CHD7: variants seen among roughly 807,000 people sequenced by gnomAD.
The protein encoded by CHD7 is ATP-dependent chromatin remodeler CHD7.
CHD7 carries 24 observed loss-of-function variants against 307.3 expected under a neutral mutation model. The ratio of observed to expected loss-of-function variants is 0.08; its 90% CI spans 0.06 to 0.11. CHD7 has a LOEUF of 0.11. Among genes scored for constraint, CHD7 ranks in the 10% least tolerant of loss-of-function variants. The pLI, the probability that CHD7 is intolerant of heterozygous loss-of-function variation, is 1.00. For missense variants in CHD7, 3,106 were observed against 3,727.1 expected (o/e 0.83, Z 4.34); for synonymous variants, 1,363 against 1,349.9 (o/e 1.01, Z -0.21).
intron 1 of CHD7, among the ~76,000 whole-genome samples, chr8:60,735,473 C>G (rs1464047087): frequency 6.6e-6 from 1 of 152,074 alleles, no homozygotes; most frequent in Admixed American, 6.5e-5. Context: ...CTTAGAAGGA[C>G]TTCACATACT....
At chr8:60,756,267 T>C (rs552757434) in intron 2 of CHD7, among the ~76,000 whole-genome samples, 1 of 152,316 alleles carries the variant, frequency 6.6e-6, no homozygotes, top group African/African-American at 2.4e-5. Context: ...TCTTAATAGG[T>C]GGCCCTGAAA....
At chr8:60,815,629 G>A (rs777514444) in intron 7 of CHD7, among the ~76,000 whole-genome samples, 1 of 152,206 alleles carries the variant, frequency 6.6e-6, no homozygotes, top group Non-Finnish European at 1.5e-5. Flanking sequence ...AGGGGATGGG[G>A]AGTCTTGAGG....
Position 60,742,480 on chromosome 8 carries a change from G to A in CHD7, c.1048G>A (p.Ala350Thr). Reference sequence around the variant, plus strand: ...TCAGTCCGTACCAAGATACCCCAATGCTGTAGGATTCCCATCAAACAGTGG... The same window carrying A: ...TCAGTCCGTACCAAGATACCCCAATACTGTAGGATTCCCATCAAACAGTGG... Reference protein sequence around the residue: ...MNQSVPRYPNAVGFPSNSGQG... With the variant: ...MNQSVPRYPNTVGFPSNSGQG... Residue 350 changes from alanine to threonine, a missense_variant, in exon 2 of 38, where the codon GCT becomes ACT. Physicochemically the swap from Ala to Thr is moderately conservative, Grantham distance 58. This residue lies in a region of CHD7 where 998 missense variants were observed against 1,004.5 expected (regional missense o/e 0.99). Transcript: ENST00000423902. The A allele has an allele frequency of 6.2e-7, 1 of 1,613,984 alleles. No homozygotes were observed. The highest frequency in any genetic ancestry group is 1.1e-5 in the South Asian group (1 of 91,080).
chr8:60,777,458 G>T (rs567312754), intron 2 of CHD7, among the ~76,000 whole-genome samples: 1 of 152,318 alleles, frequency 6.6e-6, no homozygotes, highest in East Asian at 1.9e-4. Flanking sequence ...CTGATGAATT[G>T]TGGAAGAAAA....
intron 23 of CHD7, 27 bp from the exon 24 acceptor site, chr8:60,848,488 T>G: frequency 6.3e-7 from 1 of 1,574,994 alleles, no homozygotes; most frequent in South Asian, 1.1e-5. Context: ...GTTAAGAACT[T>G]TTTCCCCCCT....
At chr8:60,863,766 T>C (rs1037454381) in intron 37 of CHD7, 1 of 144,026 alleles carries the variant, frequency 6.9e-6, no homozygotes, top group Middle Eastern at 3.6e-3. Flanking sequence ...TGAGACAAGG[T>C]GTTTGTCACC....
chr8:60,856,709 G>T lies in CHD7; in HGVS notation c.7429G>T (p.Ala2477Ser), dbSNP rs762534670. ...LPNVSTPVSD[A>S]FKTQMELLQA... Reference sequence around the variant, plus strand: ...TAATGTCTCAACACCAGTGTCTGATGCCTTTAAGACTCAAATGGAACTGCT... The same window carrying T: ...TAATGTCTCAACACCAGTGTCTGATTCCTTTAAGACTCAAATGGAACTGCT... The change falls in exon 34 of 38, where the codon GCC becomes TCC. Residue 2477 changes from alanine (A) to serine (S), a missense_variant. Ala to Ser is a moderately conservative substitution (Grantham distance 99). Transcript: ENST00000423902. The T allele has an allele frequency of 2.5e-6, 4 of 1,613,890 alleles. No homozygotes were observed. The highest frequency in any genetic ancestry group is 1.3e-5 in the African/African-American group (1 of 74,930).
At position 60,851,075 on chromosome 8, in the gene CHD7, A is replaced by G. The variant is rs2150805822; in HGVS notation, c.5578A>G (p.Thr1860Ala). The G allele has an allele frequency of 6.4e-7, 1 of 1,574,642 alleles. No individual in the cohort carries two copies. Among genetic ancestry groups the G allele is most frequent in the Non-Finnish European group, 8.6e-7 (1 of 1,158,712 alleles). ...REDEDPEYKP[T>A]RTPFKDEIDE... Reference sequence around the variant, plus strand: ...AGATGAAGACCCAGAATATAAACCAACCAGAACACCGTTCAAAGATGAAAT... The same window carrying G: ...AGATGAAGACCCAGAATATAAACCAGCCAGAACACCGTTCAAAGATGAAAT... The change falls in exon 27 of 38, where the codon ACC (threonine) becomes GCC (alanine). Residue 1860 changes from threonine (T) to alanine (A), a missense_variant. By Grantham distance (58) the Thr-to-Ala change is moderately conservative. Transcript: ENST00000423902.
chr8:60,814,638 G>C (rs771002771), intron 7 of CHD7, among the ~76,000 whole-genome samples: 6 of 152,112 alleles, frequency 3.9e-5, no homozygotes, highest in Non-Finnish European at 8.8e-5. Context: ...ATAGAGTTGG[G>C]TTTTCACCAT....
chr8:60,860,559 C>T (rs1323926277), intron 34 of CHD7, among the ~76,000 whole-genome samples: 1 of 152,228 alleles, frequency 6.6e-6, no homozygotes, highest in African/African-American at 2.4e-5. Context: ...CCCAGCCTCC[C>T]AGGTAGCTGG....
At chr8:60,845,110 A>G (rs765886462) in intron 22 of CHD7, 47 bp downstream of exon 22, 2 of 1,601,332 alleles carry the variant, frequency 1.2e-6, no homozygotes, top group Non-Finnish European at 1.7e-6. Context: ...CAAAGCCACC[A>G]GGAACTTTTG....
chr8:60,838,051 T>A (rs1804815810), intron 18 of CHD7, 25 bp from the exon 19 acceptor site: 2 of 1,429,054 alleles, frequency 1.4e-6, no homozygotes, highest in African/African-American at 2.9e-5. Context: ...TTATTTTGAG[T>A]ATTTTAAATA....
At chr8:60,696,892 A>G (rs1806507311) in intron 1 of CHD7, among the ~76,000 whole-genome samples, 1 of 150,660 alleles carries the variant, frequency 6.6e-6, no homozygotes, top group South Asian at 2.1e-4. Flanking sequence ...GCTTTTTTTA[A>G]TCTCAAAGAA....
rs755290171 is a variant in CHD7 at position 60,852,209 on chromosome 8, A to C, written c.5856A>C (p.Glu1952Asp). The change falls in exon 29 of 38, where the codon GAA becomes GAC. Residue 1952 changes from glutamate to aspartate, a missense_variant. Glu to Asp is a conservative substitution (Grantham distance 45). Around this residue, in one of 10 missense-constraint regions of CHD7, gnomAD observed 1,030 missense variants for 1,165.4 expected, o/e 0.88. Coordinates refer to ENST00000423902, the MANE Select transcript of CHD7 (RefSeq NM_017780.4). Reference protein sequence around the residue: ...RRPREEVRALEAEREAIISEK... With the variant: ...RRPREEVRALDAEREAIISEK... ...CTCGAGAGGAAGTGAGAGCTCTGGA[A>C]GCGGAAAGGGAAGCTATTATATCTG... 2.5e-6 allele frequency: 4 copies of C among 1,613,772 alleles called. No homozygotes were observed. Among genetic ancestry groups the C allele is most frequent in the Non-Finnish European group, 3.4e-6 (4 of 1,179,864 alleles).
At chr8:60,799,948 A>G (rs1168335052) in intron 4 of CHD7, among the ~76,000 whole-genome samples, 1 of 152,152 alleles carries the variant, frequency 6.6e-6, no homozygotes, top group Non-Finnish European at 1.5e-5. Context: ...TTCACATCAT[A>G]TATAGGATTA....
At chr8:60,759,715 C>T (rs936211850) in intron 2 of CHD7, among the ~76,000 whole-genome samples, 1 of 152,130 alleles carries the variant, frequency 6.6e-6, no homozygotes, top group African/African-American at 2.4e-5. Flanking sequence ...TCTTCTTACT[C>T]ATGTCTCTAG....
chr8:60,826,295 A>G (rs1292688923), intron 13 of CHD7, among the ~76,000 whole-genome samples: 1 of 152,186 alleles, frequency 6.6e-6, no homozygotes, highest in African/African-American at 2.4e-5. Flanking sequence ...CATGAACAAA[A>G]TATTTATTTT....
chr8:60,778,912 A>G lies in CHD7; in HGVS notation c.1666-2088A>G, dbSNP rs150188891. ...TTGATGTGTAAGAGTGTTTGTGAGG[A>G]AAGGATAGAGGGGCAGAGGGTAACT... On this transcript the variant is annotated intron_variant, in intron 2 of 37. Coordinates refer to ENST00000423902, the MANE Select transcript of CHD7 (RefSeq NM_017780.4). Among the ~76,000 whole-genome samples, 1,167 of 152,324 alleles carry G rather than the reference A, an allele frequency of 7.7e-3. 16 individuals carry two copies. The highest frequency in any genetic ancestry group is 0.026 in the African/African-American group (1,082 of 41,580).
chr8:60,685,486 AT>A, intron 1 of CHD7, among the ~76,000 whole-genome samples: 1 of 152,130 alleles, frequency 6.6e-6, no homozygotes, highest in East Asian at 1.9e-4. Context: ...CTAGTCACAT[AT>A]TAGGGCAAGG....
Sources: gnomAD v4.1 joint callset for allele counts (sites outside exome capture counted in the v4.1 genomes callset) on GRCh38, gnomAD v4.1.1 for gene constraint, gnomAD v4.1.1 regional missense constraint, MANE v1.5 for transcripts, NCBI Gene and HGNC (gene_info 2026-07-23, HGNC 2026-07-21) for gene names.